The following IMMP2L variants were observed in gnomAD, a reference collection of about 807,000 sequenced individuals.
IMMP2L encodes the protein mitochondrial inner membrane protease subunit 2.
IMMP2L carries 18 observed loss-of-function variants against 19.3 expected under a neutral mutation model. The observed-to-expected ratio is 0.93, with a 90% CI of 0.64 to 1.38. The LOEUF is 1.38. Among genes scored for constraint, IMMP2L ranks in the 40% most tolerant of loss-of-function variants. The pLI, the probability that IMMP2L is intolerant of heterozygous loss-of-function variation, is 0.00. For synonymous variants in IMMP2L, 76 were observed against 73.0 expected (o/e 1.04, Z -0.21); for missense variants, 233 against 218.2 (o/e 1.07, Z -0.43).
chr7:111,359,565 G>A (rs1291611000), intron 3 of IMMP2L, among the ~76,000 whole-genome samples: 2 of 151,986 alleles, frequency 1.3e-5, no homozygotes, highest in Non-Finnish European at 2.9e-5. Context: ...GCCTCCCAAA[G>A]TGCTGGAATT....
chr7:111,062,617 C>A (rs1159666558), intron 3 of IMMP2L, among the ~76,000 whole-genome samples: 1 of 152,166 alleles, frequency 6.6e-6, no homozygotes, highest in Non-Finnish European at 1.5e-5. Context: ...TGCCTATGAG[C>A]CTGTAAAATC....
chr7:111,359,125 C>T (rs528829459), intron 3 of IMMP2L, among the ~76,000 whole-genome samples: 2 of 152,222 alleles, frequency 1.3e-5, no homozygotes, highest in East Asian at 1.9e-4. Flanking sequence ...AAGGTTAACA[C>T]GGTGAGACAG....
chr7:111,404,685 CTAAAAA>C (rs1833766824), intron 3 of IMMP2L, among the ~76,000 whole-genome samples: 1 of 152,040 alleles, frequency 6.6e-6, no homozygotes, highest in Admixed American at 6.6e-5. Flanking sequence ...TCCCAACACC[CTAAAAA>C]TAAAGTTTAT....
At chr7:111,500,172 T>A (rs1352879821) in intron 2 of IMMP2L, among the ~76,000 whole-genome samples, 1 of 152,102 alleles carries the variant, frequency 6.6e-6, no homozygotes, top group East Asian at 1.9e-4. Context: ...CGCACCTGGC[T>A]CAGAGGGTCC....
chr7:110,921,976 T>G (rs1814343649), intron 4 of IMMP2L, among the ~76,000 whole-genome samples: 2 of 152,292 alleles, frequency 1.3e-5, no homozygotes, highest in Middle Eastern at 3.4e-3. Context: ...GCAAAGAGCT[T>G]GCACCACTGC....
chr7:111,440,379 C>T (rs1436620773), intron 3 of IMMP2L, among the ~76,000 whole-genome samples: 1 of 151,848 alleles, frequency 6.6e-6, no homozygotes, highest in African/African-American at 2.4e-5. Flanking sequence ...CCTTGAGCAA[C>T]AGGATGGATA....
At chr7:110,720,137 C>T (rs1173997965) in intron 5 of IMMP2L, among the ~76,000 whole-genome samples, 2 of 152,042 alleles carry the variant, frequency 1.3e-5, no homozygotes, top group African/African-American at 4.8e-5. Context: ...ATGAAACTTA[C>T]AGGAGAATCA....
intron 3 of IMMP2L, among the ~76,000 whole-genome samples, chr7:111,139,487 T>A (rs918894817): frequency 1.3e-5 from 2 of 152,108 alleles, no homozygotes; most frequent in African/African-American, 2.4e-5. Flanking sequence ...CCTGAAATAA[T>A]TGAGAATTAT....
chr7:110,812,966 C>G (rs1330689192), intron 5 of IMMP2L, among the ~76,000 whole-genome samples: 1 of 152,008 alleles, frequency 6.6e-6, no homozygotes, highest in African/African-American at 2.4e-5. Flanking sequence ...AGTGGTACTG[C>G]ATTTTTTATG....
chr7:110,831,028 G>A (rs1011032056), intron 5 of IMMP2L, among the ~76,000 whole-genome samples: 3 of 152,256 alleles, frequency 2.0e-5, no homozygotes, highest in Admixed American at 2.0e-4. Context: ...CCTGGCCCTG[G>A]GGGAGAGTTC....
chr7:111,462,683 A>G (rs1357045403), intron 3 of IMMP2L, among the ~76,000 whole-genome samples: 2 of 152,100 alleles, frequency 1.3e-5, no homozygotes, highest in African/African-American at 4.8e-5. Context: ...GTTCAACGAT[A>G]AAATGTGCTT....
At chr7:111,117,229 C>T (rs940462093) in intron 3 of IMMP2L, among the ~76,000 whole-genome samples, 1 of 152,098 alleles carries the variant, frequency 6.6e-6, no homozygotes, top group Non-Finnish European at 1.5e-5. Context: ...AGTTTACACA[C>T]ATTCAATTGT....
chr7:111,382,253 CA>C (rs2131234696), intron 3 of IMMP2L, among the ~76,000 whole-genome samples: 1 of 151,590 alleles, frequency 6.6e-6, no homozygotes, highest in African/African-American at 2.4e-5. Context: ...TCACAAAAAC[CA>C]AAACAGAAGA....
At chr7:111,131,103 C>A (rs1311575506) in intron 3 of IMMP2L, among the ~76,000 whole-genome samples, 3 of 151,472 alleles carry the variant, frequency 2.0e-5, no homozygotes, top group African/African-American at 2.4e-5. Context: ...AAAAAAATTT[C>A]TTCTAACCAC....
intron 3 of IMMP2L, among the ~76,000 whole-genome samples, chr7:111,033,336 A>T (rs1226335075): frequency 6.6e-6 from 1 of 152,180 alleles, no homozygotes; most frequent in East Asian, 1.9e-4. Context: ...GCTGACAAAG[A>T]TGTGGAACAA....
intron 4 of IMMP2L, among the ~76,000 whole-genome samples, chr7:110,938,694 T>A (rs1264975848): frequency 6.6e-6 from 1 of 151,972 alleles, no homozygotes; most frequent in Non-Finnish European, 1.5e-5. Flanking sequence ...ATGCAATATA[T>A]CCATGTAACA....
intron 3 of IMMP2L, among the ~76,000 whole-genome samples, chr7:111,234,694 T>C (rs927999398): frequency 6.6e-6 from 1 of 152,086 alleles, no homozygotes; most frequent in Non-Finnish European, 1.5e-5. Flanking sequence ...TTCCACTTTA[T>C]CTGCTTTCTT....
At chr7:111,520,876 T>A (rs1846265363) in intron 2 of IMMP2L, among the ~76,000 whole-genome samples, 2 of 152,144 alleles carry the variant, frequency 1.3e-5, no homozygotes, top group South Asian at 2.1e-4. Flanking sequence ...CAATACAATA[T>A]CTGGGATCAA....
intron 3 of IMMP2L, among the ~76,000 whole-genome samples, chr7:110,986,821 T>C (rs1157453378): frequency 7.5e-6 from 1 of 132,858 alleles, no homozygotes; most frequent in Non-Finnish European, 1.6e-5. Flanking sequence ...TCTTAGTTAG[T>C]AAAAAAAAAA....
Sources: allele counts gnomAD v4.1 joint callset (sites outside exome capture counted in the v4.1 genomes callset), GRCh38; gene constraint gnomAD v4.1.1; transcripts MANE v1.5; gene names NCBI Gene and HGNC (gene_info 2026-07-23, HGNC 2026-07-21).